The following TMEM273 variants were observed in gnomAD, a reference collection of about 807,000 sequenced individuals.
TMEM273 encodes transmembrane protein 273, also known as chromosome 10 open reading frame 128.
Under a neutral mutation model 17.9 loss-of-function variants are expected in TMEM273, and 19 were observed. The observed-to-expected ratio is 1.06, with a 90% CI of 0.74 to 1.55. TMEM273 has a LOEUF of 1.55. Among genes scored for constraint, TMEM273 ranks in the 40% most tolerant of loss-of-function variants. The probability of loss-of-function intolerance (pLI) is 0.00; values close to 1 mark genes in which losing one functional copy is unlikely to be tolerated. For synonymous variants in TMEM273, 66 were observed against 62.0 expected, an observed-to-expected ratio of 1.07 and a Z score of -0.31; for missense variants, 194 against 155.6, an observed-to-expected ratio of 1.25 and a Z score of -1.31.
Position 49,184,606 on chromosome 10 carries a change from C to T in TMEM273, c.43+3688G>A, listed in dbSNP as rs532291528. On this transcript the variant is annotated intron_variant, in intron 1 of 6. Coordinates refer to ENST00000374153, the MANE Select transcript of TMEM273 (RefSeq NM_001288740.3). ...CTTTGAGATAAAATTTTATACCTCTCTAATTGTCAAGAATTGAGAAGTTGG... is the reference window on the plus strand; with the variant it reads ...CTTTGAGATAAAATTTTATACCTCTTTAATTGTCAAGAATTGAGAAGTTGG... Among the ~76,000 whole-genome samples, 16 of 152,304 alleles carry T rather than the reference C, an allele frequency of 1.1e-4. No individual in the cohort carries two copies. In the East Asian group the frequency reaches 2.9e-3, roughly 28 times the overall value.
intron 4 of TMEM273, 122 bp downstream of exon 4, chr10:49,165,644 C>A: frequency 7.0e-7 from 1 of 1,424,510 alleles, no homozygotes; most frequent in African/African-American, 1.4e-5. Flanking sequence ...GAGGTGCATT[C>A]TAGTCACCTA....
At chr10:49,185,532 G>A (rs1335607415) in intron 1 of TMEM273, among the ~76,000 whole-genome samples, 1 of 152,204 alleles carries the variant, frequency 6.6e-6, no homozygotes, top group East Asian at 1.9e-4. Flanking sequence ...CAATAAAGGG[G>A]AAGCCCAACG....
chr10:49,165,301 A>C lies in TMEM273; in HGVS notation c.270-18T>G, dbSNP rs1846101459. ...GCAGCTTTCTGGCAAAGAGCATTCC[A>C]ATTACAGAAAACAGCAAGTGCAAAG... On this transcript the variant is annotated intron_variant, in intron 4 of 6. Transcript: ENST00000374153. 2 of 1,550,548 alleles carry C rather than the reference A, an allele frequency of 1.3e-6. No homozygotes were observed. Among genetic ancestry groups the C allele is most frequent in the East Asian group, 4.9e-5 (2 of 40,914 alleles).
chr10:49,178,048 A>G, intron 1 of TMEM273: 1 of 386,426 alleles, frequency 2.6e-6, no homozygotes, highest in South Asian at 1.9e-5. Context: ...GCCTTCTCCT[A>G]GTAAGTCTCC....
In TMEM273 at chr10:49,188,388, C is replaced by T. The variant is rs926054658; in HGVS notation, c.-52G>A. ...CTCCTGGCTGCTGGCAGCGCAGGCA[C>T]AATGAGCCATGTGACCCAAGGCTCT... On this transcript the variant is annotated 5_prime_UTR_variant, in exon 1 of 7. It adds an upstream start codon to the 5' untranslated region. Coordinates refer to ENST00000374153, the MANE Select transcript of TMEM273 (RefSeq NM_001288740.3). 1.9e-6 allele frequency: 3 copies of T among 1,613,518 alleles called. No homozygotes were observed. Among genetic ancestry groups the T allele is most frequent in the East Asian group, 4.5e-5 (2 of 44,824 alleles).
At chr10:49,174,395 A>T (rs566394767) in intron 1 of TMEM273, among the ~76,000 whole-genome samples, 1 of 152,236 alleles carries the variant, frequency 6.6e-6, no homozygotes, top group Admixed American at 6.5e-5. Context: ...GGCATAGGTC[A>T]TGGGCCTTGG....
At chr10:49,156,041 C>T in intron 6 of TMEM273, 132 bp from the exon 7 acceptor site, 1 of 1,567,418 alleles carries the variant, frequency 6.4e-7, no homozygotes, top group Admixed American at 1.9e-5. Flanking sequence ...AGGTGGGCCA[C>T]TTCCTTGTGC....
rs907996538 is a variant in TMEM273, at chr10:49,165,287, G to A, written c.270-4C>T. 1 of 1,550,566 alleles carries A rather than the reference G, an allele frequency of 6.4e-7. No individual in the cohort carries two copies. The highest frequency in any genetic ancestry group is 8.7e-7 in the Non-Finnish European group (1 of 1,147,000). On this transcript the variant is annotated splice_polypyrimidine_tract_variant and splice_region_variant and intron_variant, in intron 4 of 6. Coordinates refer to ENST00000374153, the MANE Select transcript of TMEM273 (RefSeq NM_001288740.3). ...GAGGGTCGAGGCTTGCAGCTTTCTG[G>A]CAAAGAGCATTCCAATTACAGAAAA...
intron 1 of TMEM273, among the ~76,000 whole-genome samples, chr10:49,172,271 C>A (rs1229052951): frequency 6.6e-6 from 1 of 152,128 alleles, no homozygotes; most frequent in Non-Finnish European, 1.5e-5. Context: ...AAAGAGCAAC[C>A]AGAGACCCAA....
At chr10:49,178,160 G>A (rs1847110502) in intron 1 of TMEM273, 1 of 457,174 alleles carries the variant, frequency 2.2e-6, no homozygotes, top group African/African-American at 2.0e-5. Flanking sequence ...GGCTCATCAA[G>A]CCCTCCTCTT....
At chr10:49,159,512 A>G (rs943270869) in intron 6 of TMEM273, among the ~76,000 whole-genome samples, 2 of 152,210 alleles carry the variant, frequency 1.3e-5, no homozygotes, top group African/African-American at 2.4e-5. Flanking sequence ...GGAGAAGGCA[A>G]TCTAGACACA....
At chr10:49,158,960 C>T (rs986916503) in intron 6 of TMEM273, among the ~76,000 whole-genome samples, 10 of 151,964 alleles carry the variant, frequency 6.6e-5, no homozygotes, top group African/African-American at 2.2e-4. Context: ...AAAAGTGTGT[C>T]TATATAAAAG....
In TMEM273 at chr10:49,165,255, A is replaced by G; in HGVS notation, c.298T>C (p.Phe100Leu). 6.4e-7 allele frequency: 1 copy of G among 1,550,608 alleles called. No individual in the cohort carries two copies. Among genetic ancestry groups the G allele is most frequent in the Non-Finnish European group, 8.7e-7 (1 of 1,146,998 alleles). Residue 100 changes from phenylalanine (F) to leucine (L), a missense_variant, in exon 5 of 7, where the codon TTC becomes CTC. Phe to Leu is a conservative substitution (Grantham distance 22). Transcript: ENST00000374153. ...TGGTGACACTGAAGCAGGGATTTGAAGGAAAAGAGGGTCGAGGCTTGCAGC... is the reference window on the plus strand; with the variant it reads ...TGGTGACACTGAAGCAGGGATTTGAGGGAAAAGAGGGTCGAGGCTTGCAGC... Reference protein sequence around the residue: ...RKLQASTLFSFKSLLQCHHCI... With the variant: ...RKLQASTLFSLKSLLQCHHCI...
chr10:49,166,386 T>C (rs773309819), intron 3 of TMEM273: 15 of 212,360 alleles, frequency 7.1e-5, no homozygotes, highest in Non-Finnish European at 1.3e-4. Context: ...AAATTCATCT[T>C]GACCCACAAA....
At position 49,175,704 on chromosome 10, in the gene TMEM273, G is replaced by T. The variant is rs189354244; in HGVS notation, c.44-7742C>A. Among the ~76,000 whole-genome samples, 556 of 152,366 alleles carry T rather than the reference G, an allele frequency of 3.6e-3. 7 individuals carry two copies. Among genetic ancestry groups the T allele is most frequent in the African/African-American group, 0.013 (544 of 41,586 alleles). ...AACCAGGGCTAGGAGCTCCTCCAAG[G>T]GGGCAGGGCCCCCCCCACCTGGTGT... is the stretch of plus-strand genomic sequence containing the variant. On this transcript the variant is annotated intron_variant, in intron 1 of 6. Transcript: ENST00000374153.
At chr10:49,166,586 G>C in intron 3 of TMEM273, 1 of 422,026 alleles carries the variant, frequency 2.4e-6, no homozygotes. Context: ...GCAACTGAAA[G>C]GAAAAGTACA....
At chr10:49,156,158 T>C (rs1845492580) in intron 6 of TMEM273, 2 of 1,520,710 alleles carry the variant, frequency 1.3e-6, no homozygotes, top group African/African-American at 2.8e-5. Flanking sequence ...CTTCATCCAC[T>C]TTGATGACAA....
chr10:49,176,369 C>T (rs1291649948), intron 1 of TMEM273, among the ~76,000 whole-genome samples: 1 of 152,232 alleles, frequency 6.6e-6, no homozygotes, highest in Non-Finnish European at 1.5e-5. Context: ...AAACCAAGGC[C>T]TCCCATAGCC....
At chr10:49,164,728 G>A (rs1194571567) in intron 5 of TMEM273, among the ~76,000 whole-genome samples, 2 of 152,072 alleles carry the variant, frequency 1.3e-5, no homozygotes, top group Non-Finnish European at 2.9e-5. Flanking sequence ...GCTTCTCTTA[G>A]TCCTTCCGCA....
Sources: allele counts gnomAD v4.1 joint callset (sites outside exome capture counted in the v4.1 genomes callset), GRCh38; gene constraint gnomAD v4.1.1; transcripts MANE v1.5; gene names NCBI Gene and HGNC (gene_info 2026-07-23, HGNC 2026-07-21).